SYT9: variants seen among roughly 807,000 people sequenced by gnomAD.
SYT9 encodes the protein synaptotagmin-9.
SYT9 carries 22 observed loss-of-function variants against 48.4 expected under a neutral mutation model. That is an observed-to-expected ratio of 0.45 (90% CI 0.32 to 0.65). The LOEUF is 0.65. Ranked by LOEUF, SYT9 falls within the 30% of genes least tolerant of loss-of-function variation. SYT9 has a pLI of 0.03. For synonymous variants in SYT9, 265 were observed against 245.0 expected, an observed-to-expected ratio of 1.08 and a Z score of -0.76; for missense variants, 577 against 622.0, an observed-to-expected ratio of 0.93 and a Z score of 0.77.
At chr11:7,430,157 T>C (rs994731905) in intron 6 of SYT9, among the ~76,000 whole-genome samples, 8 of 152,340 alleles carry the variant, frequency 5.3e-5, no homozygotes, top group African/African-American at 1.9e-4. Flanking sequence ...ACGTTATCTA[T>C]TTTTATGTAA....
intron 1 of SYT9, among the ~76,000 whole-genome samples, chr11:7,243,373 G>A (rs4267053): frequency 0.13 from 19,401 of 152,134 alleles, 1,296 homozygotes; most frequent in Admixed American, 0.18. Context: ...CTGAAGCCTG[G>A]TTCTTTGCAC....
intron 3 of SYT9, among the ~76,000 whole-genome samples, chr11:7,347,534 C>T (rs1468072849): frequency 1.3e-5 from 2 of 152,136 alleles, no homozygotes; most frequent in African/African-American, 4.8e-5. Flanking sequence ...TGCGCCCAGC[C>T]GAACTATTTC....
intron 1 of SYT9, among the ~76,000 whole-genome samples, chr11:7,289,204 C>T (rs926363158): frequency 6.6e-6 from 1 of 152,230 alleles, no homozygotes; most frequent in Non-Finnish European, 1.5e-5. Flanking sequence ...GGCTCCTGTT[C>T]TTCCATATGT....
At chr11:7,389,145 T>C (rs1850715197) in intron 3 of SYT9, among the ~76,000 whole-genome samples, 1 of 152,040 alleles carries the variant, frequency 6.6e-6, no homozygotes. Context: ...TGCCTAAGAG[T>C]TCTTTATATG....
intron 6 of SYT9, among the ~76,000 whole-genome samples, chr11:7,446,943 C>T (rs541568054): frequency 5.3e-5 from 8 of 152,360 alleles, no homozygotes; most frequent in African/African-American, 1.9e-4. Flanking sequence ...GCATGGGACA[C>T]ATCAGCATCG....
At chr11:7,276,860 A>G (rs986668757) in intron 1 of SYT9, among the ~76,000 whole-genome samples, 1 of 152,138 alleles carries the variant, frequency 6.6e-6, no homozygotes, top group Admixed American at 6.5e-5. Context: ...AGCCTGGCCA[A>G]CATAGCGAAA....
intron 3 of SYT9, chr11:7,314,206 G>C: frequency 3.4e-6 from 2 of 582,504 alleles, no homozygotes; most frequent in Non-Finnish European, 6.4e-6. Context: ...GCCCCTAAGA[G>C]ACAGCAGGTG....
intron 3 of SYT9, among the ~76,000 whole-genome samples, chr11:7,382,809 G>A (rs1392162538): frequency 6.6e-6 from 1 of 152,168 alleles, no homozygotes; most frequent in Non-Finnish European, 1.5e-5. Context: ...AGACCTGGAA[G>A]CATTTGAGGG....
At chr11:7,372,561 A>T (rs994853013) in intron 3 of SYT9, among the ~76,000 whole-genome samples, 6 of 152,094 alleles carry the variant, frequency 3.9e-5, no homozygotes, top group Admixed American at 2.6e-4. Context: ...AGAGGGGGGA[A>T]TCTCTCTATG....
chr11:7,291,884 G>A (rs1409728096), intron 1 of SYT9, among the ~76,000 whole-genome samples: 1 of 152,174 alleles, frequency 6.6e-6, no homozygotes, highest in African/African-American at 2.4e-5. Flanking sequence ...GGAAGGCCAG[G>A]AAGGGAAGTG....
intron 1 of SYT9, among the ~76,000 whole-genome samples, chr11:7,284,912 A>G (rs1448414928): frequency 1.3e-5 from 2 of 152,120 alleles, no homozygotes; most frequent in African/African-American, 4.8e-5. Flanking sequence ...AGTATGGGTG[A>G]ACCTTTTGCT....
chr11:7,302,698 T>G (rs1329351266), intron 1 of SYT9, among the ~76,000 whole-genome samples: 2 of 152,232 alleles, frequency 1.3e-5, no homozygotes, highest in African/African-American at 4.8e-5. Context: ...CATTAATGAT[T>G]GGTGCTGCCT....
intron 3 of SYT9, among the ~76,000 whole-genome samples, chr11:7,323,508 C>G (rs1042075144): frequency 5.9e-5 from 9 of 151,716 alleles, no homozygotes; most frequent in Non-Finnish European, 1.3e-4. Flanking sequence ...AATACAAATG[C>G]CAGTGGAGTA....
chr11:7,302,929 A>T, intron 1 of SYT9, 110 bp from the exon 2 acceptor site: 3 of 978,122 alleles, frequency 3.1e-6, no homozygotes, highest in South Asian at 1.5e-5. Context: ...GGCCTTCCGC[A>T]GTCGGCTCCC....
At chr11:7,419,351 A>G (rs746503907) in intron 5 of SYT9, among the ~76,000 whole-genome samples, 1 of 152,120 alleles carries the variant, frequency 6.6e-6, no homozygotes, top group African/African-American at 2.4e-5. Flanking sequence ...ATTTGATTTT[A>G]ATGGGCAGAG....
At chr11:7,370,789 C>T (rs1850347837) in intron 3 of SYT9, among the ~76,000 whole-genome samples, 1 of 152,076 alleles carries the variant, frequency 6.6e-6, no homozygotes, top group Non-Finnish European at 1.5e-5. Context: ...CTCAAACAGA[C>T]ATTATCTTAC....
rs189879595 is a variant in SYT9 at position 7,462,844 on chromosome 11, A to G, written c.1468-3948A>G. Among the ~76,000 whole-genome samples the G allele has an allele frequency of 2.5e-4, 38 of 152,298 alleles. No homozygotes were observed. The East Asian group carries it at 6.4e-3, about 25-fold the overall frequency. On this transcript the variant is annotated intron_variant, in intron 6 of 6. Transcript: ENST00000318881. Reference sequence around the variant, plus strand: ...TAAAGTCCCATTTTCAGATTCACAGAGAGATATTATCTAATGTTTCACTCT... The same window carrying G: ...TAAAGTCCCATTTTCAGATTCACAGGGAGATATTATCTAATGTTTCACTCT...
chr11:7,416,825 A>C (rs560704126), intron 4 of SYT9, among the ~76,000 whole-genome samples: 1 of 152,264 alleles, frequency 6.6e-6, no homozygotes, highest in Admixed American at 6.5e-5. Flanking sequence ...CATAATTGTG[A>C]ATTGGACCTA....
chr11:7,416,242 A>G, intron 4 of SYT9, 80 bp downstream of exon 4: 1 of 1,547,918 alleles, frequency 6.5e-7, no homozygotes, highest in Non-Finnish European at 8.9e-7. Flanking sequence ...ATGGTAATAA[A>G]GCACATTGAC....
Sources: allele counts gnomAD v4.1 joint callset (sites outside exome capture counted in the v4.1 genomes callset), GRCh38; gene constraint gnomAD v4.1.1; transcripts MANE v1.5; gene names NCBI Gene and HGNC (gene_info 2026-07-23, HGNC 2026-07-21).